ZNF107: variants seen among roughly 807,000 people sequenced by gnomAD.
The protein encoded by ZNF107 is C2H2 type zinc-finger protein.
A neutral mutation model predicts 12.3 loss-of-function variants in ZNF107; 19 were observed. That is an observed-to-expected ratio of 1.55 (90% CI 1.08 to 2.27). ZNF107 has a LOEUF of 2.27. Ranked by LOEUF, ZNF107 falls within the 30% of genes most tolerant of loss-of-function variation. The pLI is 0.00. For missense variants in ZNF107, 958 were observed against 979.9 expected (o/e 0.98, Z 0.30); for synonymous variants, 317 against 330.5 (o/e 0.96, Z 0.44).
At chr7:64,679,939 A>C (rs967213667) in intron 1 of ZNF107, among the ~76,000 whole-genome samples, 2 of 151,948 alleles carry the variant, frequency 1.3e-5, no homozygotes, top group Non-Finnish European at 2.9e-5. Context: ...TGTCCCGCCC[A>C]TCTGCTCCCC....
intron 1 of ZNF107, among the ~76,000 whole-genome samples, chr7:64,688,997 C>G (rs930464975): frequency 6.6e-6 from 1 of 152,154 alleles, no homozygotes; most frequent in East Asian, 1.9e-4. Context: ...AATCCACTTG[C>G]AGCTGCGCTA....
At chr7:64,684,818 T>C in intron 1 of ZNF107, 1 of 805,562 alleles carries the variant, frequency 1.2e-6, no homozygotes, top group Non-Finnish European at 1.5e-6. Context: ...TCCCTCCTGC[T>C]CCTTTGGCTA....
At position 64,708,986 on chromosome 7, in the gene ZNF107, CT is replaced by C; in HGVS notation, c.*333del. Reference sequence around the variant, plus strand: ...ACAAATGAGAAGAATGTGGCAATGCCTTTAATCAGTCCTCACACCTTTCTAC... The same window carrying C: ...ACAAATGAGAAGAATGTGGCAATGCCTTAATCAGTCCTCACACCTTTCTAC... On this transcript the variant is annotated 3_prime_UTR_variant, in exon 4 of 4. Transcript: ENST00000620827. 1 of 455,396 alleles carries C rather than the reference CT, an allele frequency of 2.2e-6. No individual in the cohort carries two copies. Among genetic ancestry groups the C allele is most frequent in the South Asian group, 2.1e-5 (1 of 48,212 alleles). 28.2% of individuals were successfully genotyped at this position (455,396 alleles called of 1,614,324 possible).
At chr7:64,669,233 C>T (rs1057185520) in intron 1 of ZNF107, 1 of 151,602 alleles carries the variant, frequency 6.6e-6, no homozygotes, top group Admixed American at 6.6e-5. Flanking sequence ...GCAGGCTGGC[C>T]TTGAACTCCT....
rs527364729 is a variant in ZNF107 at position 64,672,380 on chromosome 7, A to G, written c.3+6095A>G. On this transcript the variant is annotated intron_variant, in intron 1 of 3. Coordinates refer to ENST00000620827, the MANE Select transcript of ZNF107 (RefSeq NM_001282359.2). The stretch of plus-strand genomic sequence containing the variant: ...TTTTATTATAATTATTTTTGGAGAC[A>G]GGGTCTCATCTTGTCACACAGGCTG... Among the ~76,000 whole-genome samples, 53 of 152,188 alleles carry G rather than the reference A, an allele frequency of 3.5e-4. No individual in the cohort carries two copies. The East Asian group carries it at 9.9e-3, about 28-fold the overall frequency.
intron 3 of ZNF107, 101 bp downstream of exon 3, chr7:64,692,061 C>A: frequency 1.3e-6 from 1 of 788,156 alleles, no homozygotes. Flanking sequence ...AGCTGTGTTC[C>A]AAAGGAAATA....
chr7:64,701,493 C>T (rs1019809636), intron 3 of ZNF107, among the ~76,000 whole-genome samples: 3 of 151,920 alleles, frequency 2.0e-5, no homozygotes, highest in Non-Finnish European at 4.4e-5. Flanking sequence ...TGGTCTTAGC[C>T]TCCCAAAGTA....
chr7:64,706,964 A>G lies in ZNF107; in HGVS notation c.867A>G (p.Glu289=). The G allele has an allele frequency of 1.2e-6, 2 of 1,613,620 alleles. No individual in the cohort carries two copies. Among genetic ancestry groups the G allele is most frequent in the Non-Finnish European group, 1.7e-6 (2 of 1,179,766 alleles). Residue 289 remains glutamate, a synonymous_variant, in exon 4 of 4, where the codon GAA becomes GAG. Transcript: ENST00000620827. ...HTGEKPYKYE[E]CGKVFSQSSH... is the part of the protein sequence containing the mutation. The stretch of plus-strand genomic sequence containing the variant: ...GAGAAAAACCTTACAAATATGAAGA[A>G]TGTGGCAAAGTCTTTAGCCAGTCCT...
intron 3 of ZNF107, among the ~76,000 whole-genome samples, 161 bp from the exon 4 acceptor site, chr7:64,706,161 TTA>T (rs1397402080): frequency 6.6e-6 from 1 of 152,128 alleles, no homozygotes; most frequent in African/African-American, 2.4e-5. Context: ...ATTTTGGTGT[TTA>T]TGTTTTTGTT....
At chr7:64,689,112 T>C (rs1243017497) in intron 1 of ZNF107, among the ~76,000 whole-genome samples, 1 of 152,184 alleles carries the variant, frequency 6.6e-6, no homozygotes, top group Non-Finnish European at 1.5e-5. Context: ...CTTCAGCTTT[T>C]TCCTTTCAAG....
In ZNF107 at chr7:64,709,818, A is replaced by G. The variant is rs1790825012; in HGVS notation, c.*1162A>G. On this transcript the variant is annotated 3_prime_UTR_variant, in exon 4 of 4. Transcript: ENST00000620827. ...TTTGTCAAGAGATCTTTCAGAAAAT[A>G]TAAGCCTTTAAAGTGAAGAAGAGGA... 2.2e-6 allele frequency: 1 copy of G among 447,556 alleles called. No individual in the cohort carries two copies. The highest frequency in any genetic ancestry group is 1.6e-5 in the South Asian group (1 of 62,712). 27.7% of individuals were successfully genotyped at this position (447,556 alleles called of 1,614,324 possible).
chr7:64,685,306 C>T (rs1209518005), intron 1 of ZNF107, among the ~76,000 whole-genome samples: 2 of 152,196 alleles, frequency 1.3e-5, no homozygotes, highest in Admixed American at 6.5e-5. Context: ...CTACGCCTTG[C>T]AGCTTCAAGC....
chr7:64,685,369 C>T (rs1459193272), intron 1 of ZNF107, among the ~76,000 whole-genome samples: 1 of 152,168 alleles, frequency 6.6e-6, no homozygotes, highest in African/African-American at 2.4e-5. Flanking sequence ...ATTCAAACAG[C>T]CTGTCCGCTT....
rs924867294 is a variant in ZNF107 at position 64,710,546 on chromosome 7, A to C, written c.*1890A>C. 1.3e-4 allele frequency: 20 copies of C among 152,182 alleles called. No individual in the cohort carries two copies. The highest frequency in any genetic ancestry group is 2.6e-4 in the Non-Finnish European group (18 of 68,018). 9.4% of individuals were successfully genotyped at this position (152,182 alleles called of 1,614,324 possible). A position where few individuals can be genotyped will look rare whatever the true frequency, so the allele number is the denominator to read the frequency against. ...AGTATAGAAAATAATTTAAAACTAA[A>C]GTTGGTAGGTAAATAATGTGTATAT... is the stretch of plus-strand genomic sequence containing the variant. On this transcript the variant is annotated 3_prime_UTR_variant, in exon 4 of 4. Coordinates refer to ENST00000620827, the MANE Select transcript of ZNF107 (RefSeq NM_001282359.2).
chr7:64,709,081 C>A lies in ZNF107; in HGVS notation c.*425C>A. 2.2e-6 allele frequency: 1 copy of A among 460,752 alleles called. No individual in the cohort carries two copies. The allele number at this position is 460,752 out of a possible 1,614,324, so 28.5% of individuals were successfully genotyped here. A position where few individuals can be genotyped will look rare whatever the true frequency, so the allele number is the denominator to read the frequency against. On this transcript the variant is annotated 3_prime_UTR_variant, in exon 4 of 4. Transcript: ENST00000620827. ...GAATGTGGCAAAGCTTTTAACCAAT[C>A]CTCATACCTTACTATACAGAAATTC... is the stretch of plus-strand genomic sequence containing the variant.
At chr7:64,668,594 T>C (rs1416381948) in intron 1 of ZNF107, among the ~76,000 whole-genome samples, 1 of 152,142 alleles carries the variant, frequency 6.6e-6, no homozygotes, top group Non-Finnish European at 1.5e-5. Flanking sequence ...TTTATTAGTA[T>C]GATTTAAAAG....
chr7:64,708,503 A>G lies in ZNF107; in HGVS notation c.2406A>G (p.Ser802=), dbSNP rs755972941. Residue 802 remains serine (S), a synonymous_variant, in exon 4 of 4, where the codon TCA becomes TCG. Transcript: ENST00000620827. ...GTGGCAAATCCTTTAACCAGTTCTC[A>G]TCTCTTAATATACATAAGATAATTC... ...EECGKSFNQF[S]SLNIHKIIHT... is the part of the protein sequence containing the mutation. 5 of 1,613,088 alleles carry G rather than the reference A, an allele frequency of 3.1e-6. No homozygotes were observed. Among genetic ancestry groups the G allele is most frequent in the Non-Finnish European group, 4.2e-6 (5 of 1,179,632 alleles).
intron 3 of ZNF107, among the ~76,000 whole-genome samples, chr7:64,705,408 A>G (rs1790606051): frequency 6.6e-6 from 1 of 151,898 alleles, no homozygotes; most frequent in African/African-American, 2.4e-5. Flanking sequence ...CTATTCACTC[A>G]TGGAGTGTTA....
intron 1 of ZNF107, among the ~76,000 whole-genome samples, chr7:64,691,018 G>A (rs4718100): frequency 0.36 from 54,482 of 151,690 alleles, 10,699 homozygotes; most frequent in South Asian, 0.52. Flanking sequence ...GATTACAGGC[G>A]TGAGCCACCG....
Sources: allele counts gnomAD v4.1 joint callset (sites outside exome capture counted in the v4.1 genomes callset), GRCh38; gene constraint gnomAD v4.1.1; transcripts MANE v1.5; gene names NCBI Gene and HGNC (gene_info 2026-07-23, HGNC 2026-07-21).